LRRC4C: variants seen among roughly 807,000 people sequenced by gnomAD.
The protein encoded by LRRC4C is leucine rich repeat containing 4C, also known as leucine-rich repeat-containing protein 4C.
Under a neutral mutation model 33.6 loss-of-function variants are expected in LRRC4C, and 5 were observed. The observed-to-expected ratio is 0.15, with a 90% confidence interval of 0.08 to 0.31. The LOEUF is 0.31. LRRC4C is among the 10% of genes least tolerant of loss of function. The pLI, the probability that LRRC4C is intolerant of heterozygous loss-of-function variation, is 1.00. For synonymous variants in LRRC4C, 329 were observed against 302.0 expected (o/e 1.09, Z -0.93); for missense variants, 560 against 796.7 (o/e 0.70, Z 3.58).
intron 2 of LRRC4C, among the ~76,000 whole-genome samples, chr11:40,888,559 G>C (rs1300768244): frequency 6.6e-6 from 1 of 151,872 alleles, no homozygotes; most frequent in Admixed American, 6.6e-5. Flanking sequence ...ATTTGGAAAT[G>C]TTGTTCCCTC....
intron 3 of LRRC4C, among the ~76,000 whole-genome samples, chr11:40,431,858 G>A (rs1950949569): frequency 6.6e-6 from 1 of 152,052 alleles, no homozygotes; most frequent in African/African-American, 2.4e-5. Context: ...CCTATTCCAG[G>A]GACTGAGCCC....
At chr11:41,041,447 T>C (rs1011829205) in intron 1 of LRRC4C, among the ~76,000 whole-genome samples, 1 of 152,188 alleles carries the variant, frequency 6.6e-6, no homozygotes, top group Non-Finnish European at 1.5e-5. Context: ...GTGATTGCCA[T>C]ACAGTACTGT....
intron 4 of LRRC4C, among the ~76,000 whole-genome samples, chr11:40,298,035 G>A (rs1262605115): frequency 3.3e-5 from 5 of 152,082 alleles, no homozygotes; most frequent in South Asian, 2.1e-4. Flanking sequence ...TTTGTACACC[G>A]TTGAGTGAAT....
intron 3 of LRRC4C, among the ~76,000 whole-genome samples, chr11:40,532,933 G>A (rs547788520): frequency 6.6e-6 from 1 of 152,160 alleles, no homozygotes; most frequent in Admixed American, 6.6e-5. Flanking sequence ...GGTAGCAGGA[G>A]GAAAACTAAA....
chr11:40,602,220 A>AG (rs1960093112), intron 3 of LRRC4C, among the ~76,000 whole-genome samples: 2 of 151,106 alleles, frequency 1.3e-5, no homozygotes, highest in Non-Finnish European at 3.0e-5. Context: ...AGAAAAAAAA[A>AG]GAGGTATGTG....
intron 3 of LRRC4C, among the ~76,000 whole-genome samples, chr11:40,344,607 C>T (rs1947035192): frequency 6.6e-6 from 1 of 152,150 alleles, no homozygotes; most frequent in Non-Finnish European, 1.5e-5. Context: ...CAAGGATGCC[C>T]TCTCTTACCA....
rs7942227 is a variant in LRRC4C, at chr11:40,749,305, T to C, written c.-406-101027A>G. Among the ~76,000 whole-genome samples the C allele has an allele frequency of 9.1e-3, 1,387 of 152,094 alleles. 23 individuals carry two copies. Among genetic ancestry groups the C allele is most frequent in the African/African-American group, 0.032 (1,314 of 41,514 alleles). Reference sequence around the variant, plus strand: ...CCACAATGGAATAAAATGAGATTAATACCAAGAGGCATTTTGGAAATGATA... The same window carrying C: ...CCACAATGGAATAAAATGAGATTAACACCAAGAGGCATTTTGGAAATGATA... On this transcript the variant is annotated intron_variant, in intron 2 of 6. Coordinates refer to ENST00000528697, the MANE Select transcript of LRRC4C (RefSeq NM_001258419.2).
intron 2 of LRRC4C, among the ~76,000 whole-genome samples, chr11:40,673,842 G>A (rs1041966404): frequency 6.6e-6 from 1 of 152,160 alleles, no homozygotes; most frequent in Non-Finnish European, 1.5e-5. Flanking sequence ...CGTTATGTAT[G>A]GAGGATGAAG....
At chr11:40,306,385 T>C (rs950782526) in intron 4 of LRRC4C, among the ~76,000 whole-genome samples, 1 of 152,174 alleles carries the variant, frequency 6.6e-6, no homozygotes, top group Non-Finnish European at 1.5e-5. Flanking sequence ...GCTCACTTCA[T>C]GGTAGTGAGG....
intron 3 of LRRC4C, among the ~76,000 whole-genome samples, chr11:40,326,797 A>G (rs1946125696): frequency 6.6e-6 from 1 of 152,216 alleles, no homozygotes; most frequent in African/African-American, 2.4e-5. Context: ...CTTCTAAGAT[A>G]TAAGTGGAGA....
rs560316853 is a variant in LRRC4C, at chr11:40,466,508, T to C, written c.-269-146787A>G. 1.1e-4 allele frequency among the ~76,000 whole-genome samples: 16 copies of C among 152,066 alleles called. No individual in the cohort carries two copies. The East Asian group carries it at 2.5e-3, about 24-fold the overall frequency. ...AGGCAGGCAGTTAATAATTATTGAA[T>C]ACCTACCATTTTTCAGACAGAATAT... is the stretch of plus-strand genomic sequence containing the variant. On this transcript the variant is annotated intron_variant, in intron 3 of 6. Transcript: ENST00000528697.
intron 3 of LRRC4C, among the ~76,000 whole-genome samples, chr11:40,495,488 A>T (rs1020347875): frequency 3.3e-5 from 5 of 152,192 alleles, no homozygotes; most frequent in African/African-American, 1.2e-4. Flanking sequence ...AAAATACAGT[A>T]AAATCAGAGG....
At chr11:40,966,804 G>T (rs1851396379) in intron 1 of LRRC4C, among the ~76,000 whole-genome samples, 1 of 151,584 alleles carries the variant, frequency 6.6e-6, no homozygotes, top group Non-Finnish European at 1.5e-5. Context: ...TTTTTCTCCA[G>T]ACTGCAATTA....
intron 1 of LRRC4C, among the ~76,000 whole-genome samples, chr11:41,116,979 T>C (rs1218719200): frequency 6.6e-6 from 1 of 152,100 alleles, no homozygotes; most frequent in Non-Finnish European, 1.5e-5. Context: ...GAAACGTACT[T>C]CCACACTTCT....
At chr11:40,899,178 A>T (rs1956101208) in intron 2 of LRRC4C, among the ~76,000 whole-genome samples, 1 of 152,026 alleles carries the variant, frequency 6.6e-6, no homozygotes, top group Admixed American at 6.6e-5. Flanking sequence ...CCTGAGCTGG[A>T]GTGAGGGACC....
rs544457431 is a variant in LRRC4C at position 41,171,065 on chromosome 11, C to T, written c.-495-237342G>A. Among the ~76,000 whole-genome samples, 428 of 152,098 alleles carry T rather than the reference C, an allele frequency of 2.8e-3. 3 individuals are homozygous for T. The highest frequency in any genetic ancestry group is 9.8e-3 in the African/African-American group (407 of 41,456). On this transcript the variant is annotated intron_variant, in intron 1 of 6. Coordinates refer to ENST00000528697, the MANE Select transcript of LRRC4C (RefSeq NM_001258419.2). ...AAAACCACAATGAGATACCATCTCA[C>T]ACCAGTTAGAATGGTGATCATTAAA... is the stretch of plus-strand genomic sequence containing the variant.
At chr11:41,405,922 A>G (rs1025133100) in intron 1 of LRRC4C, among the ~76,000 whole-genome samples, 1 of 152,172 alleles carries the variant, frequency 6.6e-6, no homozygotes, top group African/African-American at 2.4e-5. Flanking sequence ...AATATAAAAG[A>G]AAAACTAAGG....
At chr11:40,989,885 A>T (rs1028347502) in intron 1 of LRRC4C, among the ~76,000 whole-genome samples, 28 of 152,196 alleles carry the variant, frequency 1.8e-4, no homozygotes, top group African/African-American at 6.3e-4. Flanking sequence ...AATAAAAAAT[A>T]AAAAAATGCA....
chr11:40,909,365 A>C (rs1956565188), intron 2 of LRRC4C, among the ~76,000 whole-genome samples: 1 of 152,162 alleles, frequency 6.6e-6, no homozygotes, highest in African/African-American at 2.4e-5. Context: ...ACATTCAAAA[A>C]TTTTATATGA....
Sources: allele counts gnomAD v4.1 joint callset (sites outside exome capture counted in the v4.1 genomes callset), GRCh38; gene constraint gnomAD v4.1.1; transcripts MANE v1.5; gene names NCBI Gene and HGNC (gene_info 2026-07-23, HGNC 2026-07-21).